DLEC1: variants seen among roughly 807,000 people sequenced by gnomAD.
DLEC1 encodes the protein DLEC1 cilia and flagella associated protein.
DLEC1 carries 146 observed loss-of-function variants against 198.1 expected under a neutral mutation model. That is an observed-to-expected ratio of 0.74 (90% CI 0.64 to 0.85). The LOEUF (loss-of-function observed/expected upper bound fraction) is 0.85. DLEC1 is among the 40% of genes least tolerant of loss of function. The pLI is 0.00. For missense variants in DLEC1, 2,233 were observed against 2,220.0 expected, an observed-to-expected ratio of 1.01 and a Z score of -0.12; for synonymous variants, 897 against 866.8, an observed-to-expected ratio of 1.03 and a Z score of -0.61.
At chr3:38,053,364 C>G (rs1239977342) in intron 2 of DLEC1, among the ~76,000 whole-genome samples, 1 of 151,892 alleles carries the variant, frequency 6.6e-6, no homozygotes, top group Non-Finnish European at 1.5e-5. Flanking sequence ...TGCCCGGCCG[C>G]CCATTGTCTG....
intron 10 of DLEC1, 26 bp from the exon 11 acceptor site, chr3:38,092,764 A>G: frequency 6.2e-7 from 1 of 1,609,094 alleles, no homozygotes; most frequent in Non-Finnish European, 8.5e-7. Context: ...AATGGGAGGT[A>G]ACGGAACAAC....
At chr3:38,061,592 G>T (rs1405558638) in intron 3 of DLEC1, among the ~76,000 whole-genome samples, 1 of 152,212 alleles carries the variant, frequency 6.6e-6, no homozygotes, top group Non-Finnish European at 1.5e-5. Flanking sequence ...AGGCATGTGT[G>T]TGTGACAGTG....
intron 6 of DLEC1, among the ~76,000 whole-genome samples, chr3:38,076,302 G>A (rs375731043): frequency 1.5e-4 from 23 of 152,106 alleles, no homozygotes; most frequent in South Asian, 8.3e-4. Context: ...ATGTGCGTCC[G>A]TGTGAAGAGA....
chr3:38,053,130 C>A (rs1214525145), intron 2 of DLEC1, among the ~76,000 whole-genome samples: 1 of 152,168 alleles, frequency 6.6e-6, no homozygotes, highest in African/African-American at 2.4e-5. Flanking sequence ...GGCGTGATCT[C>A]GGCTCGCTAC....
chr3:38,103,036 T>C (rs3792524), intron 19 of DLEC1: 64,163 of 152,106 alleles, frequency 0.42, 14,241 homozygotes, highest in East Asian at 0.61. Flanking sequence ...AATTGTGTTA[T>C]GTGCGTAGAT....
intron 6 of DLEC1, among the ~76,000 whole-genome samples, chr3:38,070,437 A>G (rs1308162830): frequency 6.6e-6 from 1 of 152,236 alleles, no homozygotes; most frequent in Admixed American, 6.5e-5. Context: ...TGCGAGGTTG[A>G]GGAGGTACAG....
chr3:38,076,228 T>A (rs1697610447), intron 6 of DLEC1, among the ~76,000 whole-genome samples: 1 of 152,150 alleles, frequency 6.6e-6, no homozygotes, highest in Non-Finnish European at 1.5e-5. Flanking sequence ...GCTTACCAGA[T>A]TTGAAATTGG....
At chr3:38,044,939 A>G (rs60279066) in intron 1 of DLEC1, among the ~76,000 whole-genome samples, 9,108 of 152,274 alleles carry the variant, frequency 0.06, 336 homozygotes, top group Middle Eastern at 0.12. Flanking sequence ...GAGGGGAATG[A>G]AAGAAGGAGT....
At chr3:38,068,639 G>T (rs1329816417) in intron 6 of DLEC1, among the ~76,000 whole-genome samples, 2 of 152,220 alleles carry the variant, frequency 1.3e-5, no homozygotes, top group African/African-American at 2.4e-5. Flanking sequence ...AACTAGCCCA[G>T]ATTAGAAGAG....
At position 38,114,358 on chromosome 3, in the gene DLEC1, C is replaced by T. The variant is rs202226243; in HGVS notation, c.3683C>T (p.Pro1228Leu). The T allele has an allele frequency of 2.3e-4, 366 of 1,614,018 alleles. No individual in the cohort carries two copies. The highest frequency in any genetic ancestry group is 2.9e-4 in the Non-Finnish European group (342 of 1,180,020). ...TGTTTGCAGGTGGGAGACCTGCTGC[C>T]GGAAGTCATCCCAGTGCACATGGCA... is the stretch of plus-strand genomic sequence containing the variant. ...NLICTVGDLLPEVIPVHMAAV... is the reference protein window; with the variant it reads ...NLICTVGDLLLEVIPVHMAAV... The change falls in exon 26 of 37, where the codon CCG becomes CTG. Residue 1228 changes from proline (P) to leucine (L), a missense_variant. Physicochemically the swap from Pro to Leu is moderately conservative, Grantham distance 98. Coordinates refer to ENST00000308059, the MANE Select transcript of DLEC1 (RefSeq NM_007335.4).
At chr3:38,080,566 C>T (rs151137283) in intron 6 of DLEC1, among the ~76,000 whole-genome samples, 9,947 of 152,064 alleles carry the variant, frequency 0.065, 419 homozygotes, top group Middle Eastern at 0.12. Context: ...TTGAAAGTGC[C>T]GTTTTCCAGC....
intron 27 of DLEC1, 46 bp downstream of exon 27, chr3:38,115,099 C>T (rs1289364376): frequency 8.1e-6 from 13 of 1,603,352 alleles, no homozygotes; most frequent in Non-Finnish European, 1.1e-5. Flanking sequence ...ACAGGCTGTG[C>T]CTTGTGGTGA....
intron 19 of DLEC1, among the ~76,000 whole-genome samples, chr3:38,102,409 T>G (rs1316146056): frequency 6.6e-6 from 1 of 152,234 alleles, no homozygotes; most frequent in Non-Finnish European, 1.5e-5. Flanking sequence ...TTGTTGTTCT[T>G]GCGTCTTTCC....
intron 12 of DLEC1, 77 bp from the exon 13 acceptor site, chr3:38,094,802 A>G: frequency 6.6e-7 from 1 of 1,520,084 alleles, no homozygotes; most frequent in African/African-American, 1.4e-5. Context: ...CTCTTGGAGC[A>G]GGGCAGGGAG....
At chr3:38,058,593 G>C (rs1696508013) in intron 2 of DLEC1, among the ~76,000 whole-genome samples, 1 of 151,884 alleles carries the variant, frequency 6.6e-6, no homozygotes, top group Non-Finnish European at 1.5e-5. Context: ...AAATATATAT[G>C]GTTTTTAAAA....
At chr3:38,084,485 A>AGTAGTAGTGGTT (rs1553617685) in intron 7 of DLEC1, among the ~76,000 whole-genome samples, 4 of 6,324 alleles carry the variant, frequency 6.3e-4, no homozygotes, top group Admixed American at 1.4e-3. Flanking sequence ...TGGTGGTAGT[A>AGTAGTAGTGGTT]GTGGTGGTAG....
chr3:38,103,653 C>T (rs1195358860), intron 19 of DLEC1: 1 of 152,218 alleles, frequency 6.6e-6, no homozygotes. Flanking sequence ...CCTCACTAAG[C>T]TTAATCATTT....
chr3:38,121,088 G>GC (rs774149519), intron 34 of DLEC1, among the ~76,000 whole-genome samples: 10 of 152,216 alleles, frequency 6.6e-5, no homozygotes, highest in Non-Finnish European at 1.5e-4. Flanking sequence ...TGAAGGAGTG[G>GC]CCTGGGGAAG....
At chr3:38,044,957 G>C (rs1025445553) in intron 1 of DLEC1, among the ~76,000 whole-genome samples, 1 of 152,196 alleles carries the variant, frequency 6.6e-6, no homozygotes. Context: ...AGTGAGCCAC[G>C]GAAGAAGCTG....
Sources: gnomAD v4.1 joint callset for allele counts (sites outside exome capture counted in the v4.1 genomes callset) on GRCh38, gnomAD v4.1.1 for gene constraint, MANE v1.5 for transcripts, NCBI Gene and HGNC (gene_info 2026-07-23, HGNC 2026-07-21) for gene names.